SBSPON: variants seen among roughly 807,000 people sequenced by gnomAD.
The protein encoded by SBSPON is somatomedin-B and thrombospondin type-1 domain-containing protein.
SBSPON carries 30 observed loss-of-function variants against 35.8 expected under a neutral mutation model. That is an observed-to-expected ratio of 0.84 (90% CI 0.63 to 1.14). The LOEUF is 1.14. SBSPON is among the 50% of genes most tolerant of loss of function. SBSPON has a pLI of 0.00. For synonymous variants in SBSPON, 136 were observed against 135.9 expected, an observed-to-expected ratio of 1.00 and a Z score of 0.00; for missense variants, 364 against 357.7, an observed-to-expected ratio of 1.02 and a Z score of -0.14.
chr8:73,076,323 G>A (rs1810594229), intron 2 of SBSPON, among the ~76,000 whole-genome samples: 1 of 152,108 alleles, frequency 6.6e-6, no homozygotes, highest in Non-Finnish European at 1.5e-5. Flanking sequence ...ATATTACATG[G>A]GAACAAAGAA....
intron 1 of SBSPON, chr8:73,085,324 C>T (rs1393851908): frequency 6.6e-6 from 1 of 152,076 alleles, no homozygotes; most frequent in Non-Finnish European, 1.5e-5. Flanking sequence ...GCCAGGACCA[C>T]ATTTTGAAAG....
At chr8:73,073,296 C>T (rs997222697) in intron 2 of SBSPON, among the ~76,000 whole-genome samples, 1 of 152,160 alleles carries the variant, frequency 6.6e-6, no homozygotes, top group Non-Finnish European at 1.5e-5. Flanking sequence ...TCAGAAACTG[C>T]GCGATTCCAG....
intron 1 of SBSPON, among the ~76,000 whole-genome samples, chr8:73,086,404 C>T (rs1359819312): frequency 6.6e-6 from 1 of 152,070 alleles, no homozygotes; most frequent in African/African-American, 2.4e-5. Context: ...TCAGGTGATC[C>T]TTCCACCTTG....
At chr8:73,072,986 C>G (rs901274841) in intron 2 of SBSPON, among the ~76,000 whole-genome samples, 3 of 152,202 alleles carry the variant, frequency 2.0e-5, no homozygotes, top group African/African-American at 7.2e-5. Flanking sequence ...TGTGTCTCCT[C>G]TCTACCTCAT....
chr8:73,075,137 A>C (rs1810568241), intron 2 of SBSPON, among the ~76,000 whole-genome samples: 1 of 152,142 alleles, frequency 6.6e-6, no homozygotes, highest in Admixed American at 6.5e-5. Context: ...GGCTTCCCAA[A>C]GTGCTAGGAT....
At chr8:73,068,094 A>G (rs749745437) in intron 4 of SBSPON, among the ~76,000 whole-genome samples, 6 of 152,196 alleles carry the variant, frequency 3.9e-5, no homozygotes, top group Admixed American at 1.3e-4. Flanking sequence ...CTCTGATTTC[A>G]TAATGAAAAA....
At chr8:73,072,889 C>A (rs1367083998) in intron 2 of SBSPON, among the ~76,000 whole-genome samples, 3 of 149,658 alleles carry the variant, frequency 2.0e-5, no homozygotes, top group African/African-American at 7.3e-5. Context: ...AACCCTCCCC[C>A]AACTCTGATG....
Position 73,093,070 on chromosome 8 carries a change from C to A in SBSPON, c.-3G>T. The A allele has an allele frequency of 7.5e-7, 1 of 1,334,582 alleles. No homozygotes were observed. 82.7% of individuals were successfully genotyped at this position (1,334,582 alleles called of 1,614,324 possible). A position where few individuals can be genotyped will look rare whatever the true frequency, so the allele number is the denominator to read the frequency against. On this transcript the variant is annotated 5_prime_UTR_variant, in exon 1 of 5. Coordinates refer to ENST00000297354, the MANE Select transcript of SBSPON (RefSeq NM_153225.4). ...AGCGCCATCCACAGGGTCCTCATGG[C>A]CAGGGCTCCGGCGGCGCCTGCGACG...
At chr8:73,090,332 A>G (rs900928433) in intron 1 of SBSPON, among the ~76,000 whole-genome samples, 1 of 152,236 alleles carries the variant, frequency 6.6e-6, no homozygotes, top group Non-Finnish European at 1.5e-5. Flanking sequence ...ATTAAAAAAA[A>G]TCACAAATAA....
intron 4 of SBSPON, among the ~76,000 whole-genome samples, chr8:73,068,881 CAAT>C (rs1249944401): frequency 6.6e-6 from 1 of 152,058 alleles, no homozygotes; most frequent in Non-Finnish European, 1.5e-5. Context: ...AAAATCAAAA[CAAT>C]AATGATATTT....
Position 73,066,921 on chromosome 8 carries a change from TGTTTTAAA to T in SBSPON, c.*412_*419del, listed in dbSNP as rs1267994649. The T allele has an allele frequency of 6.3e-6, 1 of 157,768 alleles. No individual in the cohort carries two copies. Among genetic ancestry groups the T allele is most frequent in the Admixed American group, 6.1e-5 (1 of 16,326 alleles). 9.8% of individuals were successfully genotyped at this position (157,768 alleles called of 1,614,324 possible). A position where few individuals can be genotyped will look rare whatever the true frequency, so the allele number is the denominator to read the frequency against. On this transcript the variant is annotated 3_prime_UTR_variant, in exon 5 of 5. Transcript: ENST00000297354. ...TGTAGAGTGTGCATACCTGTATACATGTTTTAAAGTGAGAAACTTTTAAAAGATTATAA... is the reference window on the plus strand; with the variant it reads ...TGTAGAGTGTGCATACCTGTATACATGTGAGAAACTTTTAAAAGATTATAA...
chr8:73,092,808 G>A (rs1029570348), intron 1 of SBSPON, 46 bp downstream of exon 1: 2 of 1,498,828 alleles, frequency 1.3e-6, no homozygotes, highest in Non-Finnish European at 1.8e-6. Context: ...GTGCCCGTTG[G>A]TTGCAGGCTA....
At chr8:73,081,332 T>A in intron 1 of SBSPON, 119 bp from the exon 2 acceptor site, 4 of 776,928 alleles carry the variant, frequency 5.1e-6, no homozygotes, top group Middle Eastern at 4.1e-4. Flanking sequence ...CCCCAGGCCC[T>A]GTATCAGGAG....
chr8:73,074,537 C>A lies in SBSPON; in HGVS notation c.410-2667G>T, dbSNP rs564526984. Reference sequence around the variant, plus strand: ...GGCTCACATCTAAATATAGCACAGCCAGGCAACGTCTCCGAAATCAAACTC... The same window carrying A: ...GGCTCACATCTAAATATAGCACAGCAAGGCAACGTCTCCGAAATCAAACTC... On this transcript the variant is annotated intron_variant, in intron 2 of 4. Coordinates refer to ENST00000297354, the MANE Select transcript of SBSPON (RefSeq NM_153225.4). 10 of 970,846 alleles carry A rather than the reference C, an allele frequency of 1.0e-5. No homozygotes were observed. In the East Asian group the frequency reaches 1.1e-3, roughly 111 times the overall value. 60.1% of individuals were successfully genotyped at this position (970,846 alleles called of 1,614,324 possible).
At chr8:73,075,681 G>C (rs1810581251) in intron 2 of SBSPON, 1 of 351,074 alleles carries the variant, frequency 2.8e-6, no homozygotes, top group Admixed American at 6.5e-5. Flanking sequence ...AATTTGCTTT[G>C]AGAATTTCAT....
At chr8:73,075,876 C>T (rs1365696300) in intron 2 of SBSPON, 1 of 256,972 alleles carries the variant, frequency 3.9e-6, no homozygotes, top group African/African-American at 2.3e-5. Context: ...CAATGATGTG[C>T]AACACATTCA....
At chr8:73,080,408 G>C (rs895799350) in intron 2 of SBSPON, among the ~76,000 whole-genome samples, 8 of 152,028 alleles carry the variant, frequency 5.3e-5, no homozygotes, top group African/African-American at 1.9e-4. Context: ...CCAGCTACTC[G>C]GGAGGCTGAG....
intron 2 of SBSPON, among the ~76,000 whole-genome samples, 182 bp from the exon 3 acceptor site, chr8:73,072,052 C>G (rs148513205): frequency 3.3e-5 from 5 of 152,150 alleles, no homozygotes; most frequent in African/African-American, 1.2e-4. Flanking sequence ...GCACACAGAT[C>G]GGTAGGGAGG....
chr8:73,081,254 C>A, intron 1 of SBSPON, 41 bp from the exon 2 acceptor site: 1 of 1,479,014 alleles, frequency 6.8e-7, no homozygotes. Flanking sequence ...GAGTAAATCC[C>A]GCCAGGCTGG....
Sources: allele counts gnomAD v4.1 joint callset (sites outside exome capture counted in the v4.1 genomes callset), GRCh38; gene constraint gnomAD v4.1.1; transcripts MANE v1.5; gene names NCBI Gene and HGNC (gene_info 2026-07-23, HGNC 2026-07-21).